Variants in ZNF469 observed in about 807,000 individuals in gnomAD.
The protein encoded by ZNF469 is zinc finger protein 469.
Under a neutral mutation model 1.0 loss-of-function variants are expected in ZNF469, and 1 was observed. The ratio of observed to expected loss-of-function variants is 1.00; its 90% CI spans 0.35 to 4.73. ZNF469 has a LOEUF of 4.73. ZNF469 is among the 30% of genes most tolerant of loss of function. The pLI, the probability that ZNF469 is intolerant of heterozygous loss-of-function variation, is 0.16. For synonymous variants in ZNF469, 2,703 were observed against 2,363.4 expected, an observed-to-expected ratio of 1.14 and a Z score of -4.17; for missense variants, 6,100 against 5,356.3, an observed-to-expected ratio of 1.14 and a Z score of -4.33.
At chr16:88,226,733 C>T in the ZNF469 span, among the ~76,000 whole-genome samples, 2 of 148,626 alleles carry the variant, frequency 1.3e-5, no homozygotes, top group South Asian at 2.2e-4. Flanking sequence ...GAAACAGGCC[C>T]TGCCCGCCCC....
the ZNF469 span, among the ~76,000 whole-genome samples, chr16:88,198,484 C>A: frequency 2.0e-5 from 3 of 152,224 alleles, no homozygotes; most frequent in Non-Finnish European, 4.4e-5. Flanking sequence ...ATGAGTCACA[C>A]GTGACTGTCG....
chr16:88,314,515 T>A, the ZNF469 span, among the ~76,000 whole-genome samples: 1 of 144,616 alleles, frequency 6.9e-6, no homozygotes, highest in African/African-American at 2.6e-5. Context: ...AAGATGATGC[T>A]GGTGTAGAAT....
chr16:88,134,195 G>C, the ZNF469 span, among the ~76,000 whole-genome samples: 1 of 152,174 alleles, frequency 6.6e-6, no homozygotes, highest in African/African-American at 2.4e-5. Flanking sequence ...CATCTAAATG[G>C]GCTGCCCTTG....
chr16:88,219,434 G>A, the ZNF469 span, among the ~76,000 whole-genome samples: 1 of 137,642 alleles, frequency 7.3e-6, no homozygotes, highest in East Asian at 2.1e-4. Flanking sequence ...TAGATCAATG[G>A]AACAGAACAG....
At chr16:88,195,127 C>G in the ZNF469 span, 1 of 152,202 alleles carries the variant, frequency 6.6e-6, no homozygotes, top group African/African-American at 2.4e-5. Flanking sequence ...GCTCTCTGGT[C>G]GCAAGCCGCC....
At position 88,431,026 on chromosome 16, in the gene ZNF469, G is replaced by T; in HGVS notation, c.3556G>T (p.Glu1186Ter). 1 of 1,545,568 alleles carries T rather than the reference G, an allele frequency of 6.5e-7. No homozygotes were observed. The highest frequency in any genetic ancestry group is 8.7e-7 in the Non-Finnish European group (1 of 1,146,590). The stretch of plus-strand genomic sequence containing the variant: ...CCTGGAGACGGGAGCGGCCGCCAGG[G>T]AGGGAGGCCCCAAGTGTGCTGATCG... The part of the protein sequence containing the change: ...RSLETGAAAR[E>*]GGPKCADRPS... Residue 1186 changes from glutamate (E) to a stop codon, truncating the protein, a stop_gained, in exon 3 of 3, where the codon GAG becomes TAG. Coordinates refer to ENST00000565624, the MANE Select transcript of ZNF469 (RefSeq NM_001367624.2). LOFTEE classifies it low-confidence loss of function (END_TRUNC).
chr16:88,303,091 T>C, the ZNF469 span, among the ~76,000 whole-genome samples: 1 of 152,182 alleles, frequency 6.6e-6, no homozygotes, highest in Non-Finnish European at 1.5e-5. Context: ...ACAGGTTCCC[T>C]ACTCCCCTGG....
intron 1 of ZNF469, among the ~76,000 whole-genome samples, chr16:88,402,063 G>A (rs1217181538): frequency 6.9e-6 from 1 of 145,864 alleles, no homozygotes; most frequent in Non-Finnish European, 1.5e-5. Flanking sequence ...TGGATGGATG[G>A]ATGGATGGAT....
the ZNF469 span, among the ~76,000 whole-genome samples, chr16:88,203,219 G>C: frequency 6.6e-6 from 1 of 152,162 alleles, no homozygotes; most frequent in Admixed American, 6.5e-5. Flanking sequence ...CCCCCAGGGA[G>C]GGAGGAGCCC....
At chr16:88,372,497 C>T in the ZNF469 span, among the ~76,000 whole-genome samples, 6 of 151,112 alleles carry the variant, frequency 4.0e-5, no homozygotes, top group Admixed American at 3.9e-4. Flanking sequence ...ACCATCACCA[C>T]CATCACCATG....
At chr16:88,233,356 A>G in the ZNF469 span, among the ~76,000 whole-genome samples, 9 of 152,296 alleles carry the variant, frequency 5.9e-5, no homozygotes, top group South Asian at 1.9e-3. Flanking sequence ...TGGTTTGTCA[A>G]TTCCTTTTGT....
At chr16:88,394,120 A>G (rs78512789) in intron 1 of ZNF469, among the ~76,000 whole-genome samples, 18,871 of 99,554 alleles carry the variant, frequency 0.19, 4,799 homozygotes, top group Non-Finnish European at 0.24. Flanking sequence ...GTCTGAGAGG[A>G]GCGGGGTTTG....
chr16:88,252,634 A>C, the ZNF469 span, among the ~76,000 whole-genome samples: 9 of 152,222 alleles, frequency 5.9e-5, no homozygotes, highest in Non-Finnish European at 1.3e-4. Context: ...TTCGCTAAAT[A>C]CTTAAGTATG....
At chr16:88,263,660 C>T in the ZNF469 span, among the ~76,000 whole-genome samples, 1 of 152,162 alleles carries the variant, frequency 6.6e-6, no homozygotes, top group African/African-American at 2.4e-5. Context: ...TCAAGCCTCC[C>T]TTTTCCGGGG....
At chr16:88,286,434 C>A in the ZNF469 span, among the ~76,000 whole-genome samples, 1 of 152,254 alleles carries the variant, frequency 6.6e-6, no homozygotes, top group African/African-American at 2.4e-5. Flanking sequence ...CCTGCCCCAT[C>A]CTCTCCCCAT....
At chr16:88,372,824 A>T in the ZNF469 span, among the ~76,000 whole-genome samples, 1 of 151,448 alleles carries the variant, frequency 6.6e-6, no homozygotes, top group African/African-American at 2.4e-5. Context: ...CATCATCATG[A>T]TCTTTACCAT....
Position 88,439,591 on chromosome 16 carries a change from G to A in ZNF469, c.*259G>A. On this transcript the variant is annotated 3_prime_UTR_variant, in exon 3 of 3. Coordinates refer to ENST00000565624, the MANE Select transcript of ZNF469 (RefSeq NM_001367624.2). ...TTGAGACCACACAGCTGTTTTCTTG[G>A]TACCAAGTACTTGAAGAGACAGCAG... The A allele has an allele frequency of 1.9e-6, 1 of 530,284 alleles. No homozygotes were observed. The highest frequency in any genetic ancestry group is 3.4e-6 in the Non-Finnish European group (1 of 293,708). The allele number at this position is 530,284 out of a possible 1,614,324, so 32.8% of individuals were successfully genotyped here.
chr16:88,224,488 A>G, the ZNF469 span, among the ~76,000 whole-genome samples: 1 of 152,216 alleles, frequency 6.6e-6, no homozygotes, highest in Non-Finnish European at 1.5e-5. Context: ...ATACTTGGGC[A>G]GTACAGGAAT....
the ZNF469 span, among the ~76,000 whole-genome samples, chr16:88,112,716 C>T: frequency 2.0e-5 from 3 of 151,462 alleles, no homozygotes; most frequent in Admixed American, 1.3e-4. Flanking sequence ...AAAATATTTC[C>T]TCCCATTCTG....
Sources: gnomAD v4.1 joint callset for allele counts (sites outside exome capture counted in the v4.1 genomes callset) on GRCh38, gnomAD v4.1.1 for gene constraint, MANE v1.5 for transcripts, NCBI Gene and HGNC (gene_info 2026-07-23, HGNC 2026-07-21) for gene names.